The following KLHL1 variants were observed in gnomAD, a reference collection of about 807,000 sequenced individuals.
The protein encoded by KLHL1 is kelch-like protein 1.
Under a neutral mutation model 77.7 loss-of-function variants are expected in KLHL1, and 47 were observed. The observed-to-expected ratio is 0.60, with a 90% confidence interval of 0.48 to 0.77. KLHL1 has a LOEUF of 0.77. KLHL1 is among the 30% of genes least tolerant of loss of function. The pLI is 0.00. For synonymous variants in KLHL1, 360 were observed against 325.2 expected, an observed-to-expected ratio of 1.11 and a Z score of -1.15; for missense variants, 925 against 910.8, an observed-to-expected ratio of 1.02 and a Z score of -0.20.
intron 1 of KLHL1, among the ~76,000 whole-genome samples, chr13:69,979,376 T>C (rs549362689): frequency 2.9e-4 from 44 of 152,198 alleles, no homozygotes; most frequent in African/African-American, 9.9e-4. Flanking sequence ...TTAGCAGGAA[T>C]CTTTCTCCTC....
chr13:70,001,707 C>G (rs1050540463), intron 1 of KLHL1, among the ~76,000 whole-genome samples: 1 of 144,644 alleles, frequency 6.9e-6, no homozygotes, highest in African/African-American at 2.5e-5. Flanking sequence ...CATCTTTCTA[C>G]TATCTTCCTA....
chr13:70,019,736 A>G (rs1885743164), intron 1 of KLHL1, among the ~76,000 whole-genome samples: 1 of 152,146 alleles, frequency 6.6e-6, no homozygotes. Context: ...CTTTATCCAT[A>G]TATTATACTG....
At chr13:69,970,110 G>A (rs945291207) in intron 2 of KLHL1, among the ~76,000 whole-genome samples, 2 of 152,042 alleles carry the variant, frequency 1.3e-5, no homozygotes, top group African/African-American at 4.8e-5. Context: ...CATAGGTTTT[G>A]TTCAGGCCTC....
chr13:70,073,814 G>A (rs35604564), intron 1 of KLHL1, among the ~76,000 whole-genome samples: 43,302 of 149,982 alleles, frequency 0.29, 7,360 homozygotes, highest in South Asian at 0.45. Context: ...TGAAATGCAG[G>A]AGAGCAAACA....
Position 69,882,411 on chromosome 13 carries a change from C to G in KLHL1, c.1099G>C (p.Val367Leu). 6.2e-7 allele frequency: 1 copy of G among 1,613,582 alleles called. No homozygotes were observed. The highest frequency in any genetic ancestry group is 8.5e-7 in the Non-Finnish European group (1 of 1,179,512). ...ELHKLLASDD[V>L]NVPDEETIFH... is the part of the protein sequence containing the mutation. ...ATGGTTTCTTCATCAGGAACATTGA[C>G]ATCATCACTGGCCAGTAGTTTATGG... The change falls in exon 5 of 11, where the codon GTC (valine) becomes CTC (leucine). Residue 367 changes from valine (V) to leucine (L), a missense_variant. Transcript: ENST00000377844.
At chr13:69,940,502 T>A (rs1488462464) in intron 3 of KLHL1, among the ~76,000 whole-genome samples, 6 of 152,086 alleles carry the variant, frequency 3.9e-5, no homozygotes, top group Non-Finnish European at 7.4e-5. Context: ...TGATAGTTCT[T>A]CCTTTGATTG....
rs138650686 is a variant in KLHL1, at chr13:70,086,219, T to A, written c.497+20984A>T. Among the ~76,000 whole-genome samples, 686 of 151,696 alleles carry A rather than the reference T, an allele frequency of 4.5e-3. 1 individual carries two copies. Among genetic ancestry groups the A allele is most frequent in the African/African-American group, 0.016 (654 of 41,326 alleles). On this transcript the variant is annotated intron_variant, in intron 1 of 10. Coordinates refer to ENST00000377844, the MANE Select transcript of KLHL1 (RefSeq NM_020866.3). ...AAAAGAGTAGGTTAAAATTATGTTG[T>A]GAGAGAGATGTTCTGAAGTTCGTAT...
intron 3 of KLHL1, among the ~76,000 whole-genome samples, chr13:69,943,401 A>G (rs1200682713): frequency 6.6e-6 from 1 of 152,078 alleles, no homozygotes. Context: ...TCCAAGCATA[A>G]AAGTGAGCTG....
At chr13:69,928,972 ATTC>A (rs1363751058) in intron 4 of KLHL1, among the ~76,000 whole-genome samples, 1 of 152,162 alleles carries the variant, frequency 6.6e-6, no homozygotes. Context: ...ATATTTATTC[ATTC>A]TTCACCAATT....
chr13:69,973,037 T>C (rs1483273788), intron 2 of KLHL1, among the ~76,000 whole-genome samples: 2 of 151,978 alleles, frequency 1.3e-5, no homozygotes, highest in Non-Finnish European at 2.9e-5. Flanking sequence ...TCTTAGGATT[T>C]CCTTCAAGGC....
chr13:70,085,624 G>T (rs1430070361), intron 1 of KLHL1, among the ~76,000 whole-genome samples: 1 of 152,176 alleles, frequency 6.6e-6, no homozygotes, highest in Non-Finnish European at 1.5e-5. Flanking sequence ...AGCACTTTGG[G>T]AGGCCGAGGC....
rs1405899966 is a variant in KLHL1, at chr13:70,096,700, A to G, written c.497+10503T>C. Among the ~76,000 whole-genome samples, 3 of 150,730 alleles carry G rather than the reference A, an allele frequency of 2.0e-5. No individual in the cohort carries two copies. The East Asian group carries it at 5.9e-4, about 29-fold the overall frequency. ...TTTGACTTTTCAAAAATATCATGTC[A>G]TTTTCTCTTTTTTTCTTTTTGCTGC... On this transcript the variant is annotated intron_variant, in intron 1 of 10. Coordinates refer to ENST00000377844, the MANE Select transcript of KLHL1 (RefSeq NM_020866.3).
intron 6 of KLHL1, among the ~76,000 whole-genome samples, chr13:69,799,044 G>C (rs181888072): frequency 1.8e-4 from 28 of 151,940 alleles, no homozygotes; most frequent in Admixed American, 1.8e-3. Context: ...AGCTGAGATC[G>C]TGCCACTGCA....
At chr13:69,813,501 C>CATAT (rs757879666) in intron 6 of KLHL1, among the ~76,000 whole-genome samples, 9 of 148,996 alleles carry the variant, frequency 6.0e-5, no homozygotes, top group Non-Finnish European at 1.3e-4. Flanking sequence ...CACACACACA[C>CATAT]ACATATATAT....
chr13:70,013,987 T>G (rs2137342237), intron 1 of KLHL1, among the ~76,000 whole-genome samples: 1 of 152,294 alleles, frequency 6.6e-6, no homozygotes, highest in East Asian at 1.9e-4. Context: ...ATTTACTTGG[T>G]GGCTAATAAA....
At chr13:70,060,467 A>G (rs1566541663) in intron 1 of KLHL1, among the ~76,000 whole-genome samples, 2 of 152,088 alleles carry the variant, frequency 1.3e-5, no homozygotes, top group African/African-American at 4.8e-5. Flanking sequence ...CTGCCCTCCC[A>G]TGTTTATTGC....
chr13:70,089,273 T>C (rs1251031481), intron 1 of KLHL1, among the ~76,000 whole-genome samples: 1 of 152,216 alleles, frequency 6.6e-6, no homozygotes, highest in Non-Finnish European at 1.5e-5. Flanking sequence ...AGTTTCACTG[T>C]TGTTGCCGTC....
chr13:69,976,288 A>C (rs934250509), intron 1 of KLHL1, among the ~76,000 whole-genome samples: 12 of 152,138 alleles, frequency 7.9e-5, no homozygotes, highest in African/African-American at 2.9e-4. Context: ...GTTTTCAAGT[A>C]ATACTGACAA....
chr13:69,799,662 CAGG>C (rs1877287672), intron 6 of KLHL1, among the ~76,000 whole-genome samples: 1 of 152,142 alleles, frequency 6.6e-6, no homozygotes, highest in African/African-American at 2.4e-5. Flanking sequence ...TCTTACAGTT[CAGG>C]AGGTCAGAAA....
Sources: gnomAD v4.1 joint callset for allele counts (sites outside exome capture counted in the v4.1 genomes callset) on GRCh38, gnomAD v4.1.1 for gene constraint, MANE v1.5 for transcripts, NCBI Gene and HGNC (gene_info 2026-07-23, HGNC 2026-07-21) for gene names.